Variants in ERCC8 observed in about 807,000 individuals in gnomAD.
The protein encoded by ERCC8 is ERCC excision repair 8, CSA ubiquitin ligase complex subunit, also known as DNA excision repair protein ERCC-8.
A neutral mutation model predicts 54.9 loss-of-function variants in ERCC8; 52 were observed. The ratio of observed to expected loss-of-function variants is 0.95; its 90% CI spans 0.76 to 1.19. The LOEUF (loss-of-function observed/expected upper bound fraction) is 1.19, where lower values mean the gene tolerates loss of function less well. Among genes scored for constraint, ERCC8 ranks in the 50% most tolerant of loss-of-function variants. ERCC8 has a pLI of 0.00. For synonymous variants in ERCC8, 146 were observed against 157.2 expected (o/e 0.93, Z 0.53); for missense variants, 514 against 466.1 (o/e 1.10, Z -0.95).
At chr5:60,893,374 C>T (rs1455335906) in intron 9 of ERCC8, 7 of 853,820 alleles carry the variant, frequency 8.2e-6, no homozygotes, top group African/African-American at 6.6e-5. Context: ...GTCTTTCTTG[C>T]TCCTGGGCAG....
At chr5:60,935,156 C>A (rs552597903) in intron 1 of ERCC8, among the ~76,000 whole-genome samples, 1 of 152,184 alleles carries the variant, frequency 6.6e-6, no homozygotes, top group African/African-American at 2.4e-5. Context: ...ATTGATTCTA[C>A]CCATCCAAAT....
chr5:60,882,823 T>TTGTC (rs1182782109), intron 11 of ERCC8, among the ~76,000 whole-genome samples: 20 of 152,340 alleles, frequency 1.3e-4, no homozygotes, highest in South Asian at 4.1e-4. Context: ...TCTTTTTGGG[T>TTGTC]TGTCAATTTG....
rs577656121 is a variant in ERCC8 at position 60,913,556 on chromosome 5, T to C, written c.399+4709A>G. Among the ~76,000 whole-genome samples the C allele has an allele frequency of 1.6e-3, 245 of 152,270 alleles. 3 individuals are homozygous for C. Among genetic ancestry groups the C allele is most frequent in the African/African-American group, 5.7e-3 (238 of 41,524 alleles). On this transcript the variant is annotated intron_variant, in intron 4 of 11. Transcript: ENST00000676185. ...TTCAAAAAACCTGCTCCTGGATTCA[T>C]TGATTTTTTGAAGGGTTTTTGGTGA...
chr5:60,935,312 T>C (rs1750032467), intron 1 of ERCC8, among the ~76,000 whole-genome samples: 1 of 152,180 alleles, frequency 6.6e-6, no homozygotes, highest in African/African-American at 2.4e-5. Flanking sequence ...TAAAAGGGGT[T>C]GAGTTTTTGA....
intron 2 of ERCC8, among the ~76,000 whole-genome samples, chr5:60,928,325 C>A (rs1269293423): frequency 6.6e-6 from 1 of 152,224 alleles, no homozygotes; most frequent in Middle Eastern, 3.4e-3. Flanking sequence ...CCAGGTCTTA[C>A]GTTAATCATG....
In ERCC8 at chr5:60,868,120, C is replaced by A. The variant is rs146384396; in HGVS notation, c.*6495G>T. 6.6e-6 allele frequency among the ~76,000 whole-genome samples: 1 copy of A among 152,170 alleles called. No individual in the cohort carries two copies. Among genetic ancestry groups the A allele is most frequent in the Non-Finnish European group, 1.5e-5 (1 of 68,020 alleles). On this transcript the variant is annotated 3_prime_UTR_variant, in exon 12 of 12. Transcript: ENST00000676185. ...GCTTGAACCCAGGAGGCGGAGGTTGCGGTGAGCTGAGGTCACACCATTGCC... is the reference window on the plus strand; with the variant it reads ...GCTTGAACCCAGGAGGCGGAGGTTGAGGTGAGCTGAGGTCACACCATTGCC...
chr5:60,928,382 C>G lies in ERCC8; in HGVS notation c.173+482G>C, dbSNP rs191178956. 1.1e-4 allele frequency among the ~76,000 whole-genome samples: 16 copies of G among 152,266 alleles called. No homozygotes were observed. The East Asian group carries it at 3.1e-3, about 29-fold the overall frequency. On this transcript the variant is annotated intron_variant, in intron 2 of 11. Transcript: ENST00000676185. ...TCAAAACAAGCTTGTTAGGTAGGTACTATTGTTCCCATTGTATAGCTAAGG... is the reference window on the plus strand; with the variant it reads ...TCAAAACAAGCTTGTTAGGTAGGTAGTATTGTTCCCATTGTATAGCTAAGG...
chr5:60,895,281 T>A (rs1748694150), intron 9 of ERCC8, among the ~76,000 whole-genome samples: 1 of 151,862 alleles, frequency 6.6e-6, no homozygotes, highest in East Asian at 1.9e-4. Context: ...TCAAAATGGA[T>A]ACATGCTAAT....
rs536425535 is a variant in ERCC8, at chr5:60,870,973, A to T, written c.*3642T>A. ...TAACGAATGAATTCCCTACAAAGGG[A>T]AAAAAAACCAAAGTGGCTTTGGAAT... On this transcript the variant is annotated 3_prime_UTR_variant, in exon 12 of 12. Coordinates refer to ENST00000676185, the MANE Select transcript of ERCC8 (RefSeq NM_000082.4). 6.6e-6 allele frequency among the ~76,000 whole-genome samples: 1 copy of T among 151,874 alleles called. No homozygotes were observed. Among genetic ancestry groups the T allele is most frequent in the East Asian group, 1.9e-4 (1 of 5,182 alleles).
At chr5:60,929,510 C>T (rs1297442935) in intron 1 of ERCC8, among the ~76,000 whole-genome samples, 1 of 152,040 alleles carries the variant, frequency 6.6e-6, no homozygotes, top group Non-Finnish European at 1.5e-5. Flanking sequence ...TTGCTTGAGC[C>T]CAGGAGTTCA....
At chr5:60,904,894 A>G in intron 4 of ERCC8, 21 bp from the exon 5 acceptor site, 2 of 1,187,680 alleles carry the variant, frequency 1.7e-6, no homozygotes, top group East Asian at 2.3e-5. Flanking sequence ...AAAGACATTT[A>G]AAAAGTATAA....
intron 9 of ERCC8, chr5:60,892,318 T>C (rs1003239593): frequency 9.0e-6 from 5 of 557,780 alleles, no homozygotes; most frequent in Non-Finnish European, 1.8e-5. Context: ...TGAGTGGGTC[T>C]GTGTCACCCA....
chr5:60,892,568 G>T, intron 9 of ERCC8: 1 of 659,596 alleles, frequency 1.5e-6, no homozygotes. Context: ...CCAAATGGTG[G>T]GCCACTGCTG....
intron 1 of ERCC8, among the ~76,000 whole-genome samples, chr5:60,943,755 C>A (rs563588787): frequency 6.6e-6 from 1 of 151,930 alleles, no homozygotes; most frequent in Non-Finnish European, 1.5e-5. Flanking sequence ...GACACTGCCG[C>A]CATTTGAGAC....
chr5:60,928,854 A>G lies in ERCC8; in HGVS notation c.173+10T>C, dbSNP rs769702207. On this transcript the variant is annotated intron_variant, in intron 2 of 11. Transcript: ENST00000676185. ...AAAGAAAAATGATTATACAAGTATA[A>G]TAAACTTACTATCTCCCTTCAACAG... 6.7e-7 allele frequency: 1 copy of G among 1,502,706 alleles called. No individual in the cohort carries two copies. Among genetic ancestry groups the G allele is most frequent in the South Asian group, 1.1e-5 (1 of 87,872 alleles). The allele number at this position is 1,502,706 out of a possible 1,614,324, so 93.1% of individuals were successfully genotyped here.
chr5:60,938,028 C>T (rs1750121254), intron 1 of ERCC8, among the ~76,000 whole-genome samples: 1 of 69,514 alleles, frequency 1.4e-5, no homozygotes, highest in African/African-American at 7.1e-5. Context: ...TGTGTGTATA[C>T]ATACATACAT....
Position 60,918,318 on chromosome 5 carries a change from T to C in ERCC8, c.346A>G (p.Thr116Ala). 1.3e-6 allele frequency: 2 copies of C among 1,593,246 alleles called. No homozygotes were observed. Among genetic ancestry groups the C allele is most frequent in the Non-Finnish European group, 1.7e-6 (2 of 1,161,390 alleles). Residue 116 changes from threonine (T) to alanine (A), a missense_variant, in exon 4 of 12, where the codon ACA (threonine) becomes GCA (alanine). By Grantham distance (58) the Thr-to-Ala change is moderately conservative. Coordinates refer to ENST00000676185, the MANE Select transcript of ERCC8 (RefSeq NM_000082.4). ...QWYPHDTGMF[T>A]SSSFDKTLKV... Reference sequence around the variant, plus strand: ...AGAGTTTTATCAAATGAGCTTGATGTGAACATGCCAGTGTCATGAGGATAC... The same window carrying C: ...AGAGTTTTATCAAATGAGCTTGATGCGAACATGCCAGTGTCATGAGGATAC...
Position 60,944,947 on chromosome 5 carries a change from G to A in ERCC8, c.62C>T (p.Ala21Val). 1 of 1,613,808 alleles carries A rather than the reference G, an allele frequency of 6.2e-7. No homozygotes were observed. Among genetic ancestry groups the A allele is most frequent in the Non-Finnish European group, 8.5e-7 (1 of 1,179,716 alleles). ...TTTTCTTTACCTCCGTGTTGACTCT[G>A]CTCTCCGAAGGCGAAGAGGGTCCTC... ...GLEDPLRLRR[A>V]ESTRRVLGLE... Residue 21 changes from alanine to valine, a missense_variant, in exon 1 of 12, where the codon GCA becomes GTA. Ala to Val is a moderately conservative substitution (Grantham distance 64, BLOSUM62 0). Coordinates refer to ENST00000676185, the MANE Select transcript of ERCC8 (RefSeq NM_000082.4).
Position 60,866,968 on chromosome 5 carries a change from C to T in ERCC8, c.*7647G>A, listed in dbSNP as rs1010133933. Reference sequence around the variant, plus strand: ...CACGCCATTCTCCTGCCTCAGCCTCCCAAATAGCTGGGACTACAAGTGCCC... The same window carrying T: ...CACGCCATTCTCCTGCCTCAGCCTCTCAAATAGCTGGGACTACAAGTGCCC... On this transcript the variant is annotated 3_prime_UTR_variant, in exon 12 of 12. Transcript: ENST00000676185. The T allele has an allele frequency of 2.6e-5, 4 of 152,040 alleles. No homozygotes were observed. The highest frequency in any genetic ancestry group is 5.9e-5 in the Non-Finnish European group (4 of 68,034). 9.4% of individuals were successfully genotyped at this position (152,040 alleles called of 1,614,324 possible).
Sources: gnomAD v4.1 joint callset for allele counts (sites outside exome capture counted in the v4.1 genomes callset) on GRCh38, gnomAD v4.1.1 for gene constraint, MANE v1.5 for transcripts, NCBI Gene and HGNC (gene_info 2026-07-23, HGNC 2026-07-21) for gene names.